SGCZ: variants seen among roughly 807,000 people sequenced by gnomAD.
SGCZ encodes zeta-sarcoglycan.
A neutral mutation model predicts 41.3 loss-of-function variants in SGCZ; 40 were observed. That is an observed-to-expected ratio of 0.97 (90% confidence interval 0.75 to 1.26). The LOEUF (loss-of-function observed/expected upper bound fraction) is 1.26, where lower values mean the gene tolerates loss of function less well. Among genes scored for constraint, SGCZ ranks in the 50% most tolerant of loss-of-function variants. The pLI, the probability that SGCZ is intolerant of heterozygous loss-of-function variation, is 0.00. For missense variants in SGCZ, 552 were observed against 369.8 expected (o/e 1.49, Z -4.04); for synonymous variants, 206 against 137.5 (o/e 1.50, Z -3.49).
At chr8:14,101,644 C>T (rs35204627) in intron 7 of SGCZ, among the ~76,000 whole-genome samples, 5,051 of 114,616 alleles carry the variant, frequency 0.044, 119 homozygotes, top group Middle Eastern at 0.083. Flanking sequence ...ACATCCTATT[C>T]CAGGAAATAT....
intron 5 of SGCZ, among the ~76,000 whole-genome samples, chr8:14,156,596 C>T (rs999056461): frequency 2.7e-4 from 41 of 152,300 alleles, no homozygotes; most frequent in African/African-American, 9.9e-4. Context: ...TGGTTTAAAG[C>T]ACAACCATGT....
intron 1 of SGCZ, among the ~76,000 whole-genome samples, chr8:15,029,331 T>C (rs1477822650): frequency 6.6e-6 from 1 of 152,126 alleles, no homozygotes; most frequent in Non-Finnish European, 1.5e-5. Context: ...TAGGTGCATG[T>C]ATTTAGAATG....
At chr8:14,250,206 C>G (rs1011339262) in intron 3 of SGCZ, among the ~76,000 whole-genome samples, 2 of 152,130 alleles carry the variant, frequency 1.3e-5, no homozygotes, top group African/African-American at 2.4e-5. Context: ...CAGCCAGAAC[C>G]TTTTAGATCT....
chr8:14,511,290 C>CT (rs937673219), intron 2 of SGCZ, among the ~76,000 whole-genome samples: 14 of 151,798 alleles, frequency 9.2e-5, no homozygotes, highest in African/African-American at 3.1e-4. Flanking sequence ...TAAAAATTGT[C>CT]TTTTTTTAAA....
chr8:15,093,947 G>C (rs1563121546), intron 1 of SGCZ, among the ~76,000 whole-genome samples: 1 of 152,086 alleles, frequency 6.6e-6, no homozygotes, highest in Non-Finnish European at 1.5e-5. Flanking sequence ...TTGGGATATA[G>C]CAGTGTGTAC....
intron 1 of SGCZ, among the ~76,000 whole-genome samples, chr8:15,070,205 T>A (rs921889906): frequency 6.6e-6 from 1 of 152,182 alleles, no homozygotes; most frequent in East Asian, 1.9e-4. Flanking sequence ...TCATCATAAT[T>A]AGAATTTTGG....
At chr8:14,785,157 C>A (rs1307062093) in intron 1 of SGCZ, among the ~76,000 whole-genome samples, 1 of 150,656 alleles carries the variant, frequency 6.6e-6, no homozygotes, top group East Asian at 1.9e-4. Flanking sequence ...AAATGATAAT[C>A]CCAGTGTTTT....
intron 1 of SGCZ, among the ~76,000 whole-genome samples, chr8:15,183,340 A>G (rs1221351039): frequency 6.6e-6 from 1 of 151,556 alleles, no homozygotes; most frequent in Non-Finnish European, 1.5e-5. Flanking sequence ...CTACAAACAC[A>G]TGAGAAATGT....
intron 1 of SGCZ, among the ~76,000 whole-genome samples, chr8:15,078,861 A>C (rs1490420438): frequency 6.6e-6 from 1 of 152,130 alleles, no homozygotes; most frequent in Non-Finnish European, 1.5e-5. Flanking sequence ...ATAGTATTCT[A>C]ATCCTCCTTT....
chr8:14,086,578 A>T lies in SGCZ; in HGVS notation c.*3865T>A, dbSNP rs1045498969. Among the ~76,000 whole-genome samples the T allele has an allele frequency of 4.6e-5, 7 of 151,706 alleles. No individual in the cohort carries two copies. The highest frequency in any genetic ancestry group is 1.7e-4 in the African/African-American group (7 of 41,402). ...TGGAGGTAATAATCACAGAATGTTC[A>T]TATTTGGTTAATATTTCTATTAATT... On this transcript the variant is annotated 3_prime_UTR_variant, in exon 8 of 8. Coordinates refer to ENST00000382080, the MANE Select transcript of SGCZ (RefSeq NM_139167.4).
chr8:15,137,929 A>G (rs1348573011), intron 1 of SGCZ, among the ~76,000 whole-genome samples: 1 of 152,138 alleles, frequency 6.6e-6, no homozygotes, highest in African/African-American at 2.4e-5. Flanking sequence ...AGAATGGTAG[A>G]TCCACTGACA....
intron 5 of SGCZ, among the ~76,000 whole-genome samples, chr8:14,136,194 C>T (rs1041846428): frequency 3.3e-5 from 5 of 151,880 alleles, no homozygotes; most frequent in South Asian, 2.1e-4. Flanking sequence ...CCAAGATGGC[C>T]GAAAAGGAAA....
chr8:14,799,569 C>T (rs1011626476), intron 1 of SGCZ, among the ~76,000 whole-genome samples: 48 of 152,080 alleles, frequency 3.2e-4, no homozygotes, highest in African/African-American at 1.1e-3. Flanking sequence ...ACTAAACTAT[C>T]CTTAGCATTT....
At chr8:14,428,621 G>C (rs1467191047) in intron 2 of SGCZ, among the ~76,000 whole-genome samples, 1 of 152,144 alleles carries the variant, frequency 6.6e-6, no homozygotes, top group Non-Finnish European at 1.5e-5. Context: ...TTAGAAAATA[G>C]ATTCACAAAG....
intron 2 of SGCZ, among the ~76,000 whole-genome samples, chr8:14,365,856 A>G (rs2117146426): frequency 6.6e-6 from 1 of 152,198 alleles, no homozygotes; most frequent in Admixed American, 6.5e-5. Flanking sequence ...GTATGATTAT[A>G]TTGATTTCCT....
chr8:14,925,605 T>C (rs887233886), intron 1 of SGCZ, among the ~76,000 whole-genome samples: 6 of 152,206 alleles, frequency 3.9e-5, no homozygotes, highest in African/African-American at 1.4e-4. Flanking sequence ...TTAAGTGTAA[T>C]GGCAAAAACC....
chr8:15,124,929 T>C (rs992307255), intron 1 of SGCZ, among the ~76,000 whole-genome samples: 1 of 152,128 alleles, frequency 6.6e-6, no homozygotes, highest in Non-Finnish European at 1.5e-5. Context: ...CATATGATAA[T>C]ACATTATGGC....
intron 1 of SGCZ, among the ~76,000 whole-genome samples, chr8:14,903,814 G>A (rs934923221): frequency 6.6e-6 from 1 of 151,976 alleles, no homozygotes; most frequent in Non-Finnish European, 1.5e-5. Context: ...ACATTAGAAA[G>A]AAAGGAGACA....
At chr8:14,516,517 T>G (rs1802624734) in intron 2 of SGCZ, among the ~76,000 whole-genome samples, 1 of 152,114 alleles carries the variant, frequency 6.6e-6, no homozygotes, top group Non-Finnish European at 1.5e-5. Context: ...AAATAGTTAC[T>G]GTTTTTTTCT....
Sources: gnomAD v4.1 joint callset for allele counts (sites outside exome capture counted in the v4.1 genomes callset) on GRCh38, gnomAD v4.1.1 for gene constraint, MANE v1.5 for transcripts, NCBI Gene and HGNC (gene_info 2026-07-23, HGNC 2026-07-21) for gene names.